The following SH3BP5 variants were observed in gnomAD, a reference collection of about 807,000 sequenced individuals.
SH3BP5 encodes the protein SH3 domain binding protein 5.
Under a neutral mutation model 43.3 loss-of-function variants are expected in SH3BP5, and 22 were observed. The ratio of observed to expected loss-of-function variants is 0.51; its 90% confidence interval spans 0.36 to 0.73. The LOEUF is 0.73. Among genes scored for constraint, SH3BP5 ranks in the 30% least tolerant of loss-of-function variants. The pLI, the probability that SH3BP5 is intolerant of heterozygous loss-of-function variation, is 0.00. For missense variants in SH3BP5, 529 were observed against 586.9 expected (o/e 0.90, Z 1.02); for synonymous variants, 255 against 225.8 (o/e 1.13, Z -1.16).
upstream of SH3BP5, among the ~76,000 whole-genome samples, chr3:15,337,328 GC>G (rs1311449988): frequency 1.3e-5 from 2 of 151,900 alleles, no homozygotes; most frequent in Non-Finnish European, 2.9e-5. Context: ...ACCCACCTCA[GC>G]CTCCCAAAGT....
intron 5 of SH3BP5, 30 bp from the exon 6 acceptor site, chr3:15,259,833 A>G: frequency 6.2e-7 from 1 of 1,608,370 alleles, no homozygotes; most frequent in Non-Finnish European, 8.5e-7. Flanking sequence ...AAGCCATCAG[A>G]GTAATATAAT....
rs145867046 is a variant in SH3BP5 at position 15,293,983 on chromosome 3, C to G, written c.330+10120G>C. The stretch of plus-strand genomic sequence containing the variant: ...GTCTCAGCTACTCGGGAGGCTGAGA[C>G]AGAAGAATCGCTTCAACCTGGGAGG... On this transcript the variant is annotated intron_variant, in intron 3 of 8. Transcript: ENST00000383791. Among the ~76,000 whole-genome samples, 1,065 of 146,550 alleles carry G rather than the reference C, an allele frequency of 7.3e-3. 12 individuals carry two copies. Among genetic ancestry groups the G allele is most frequent in the Non-Finnish European group, 0.011 (759 of 67,286 alleles).
intron 2 of SH3BP5, among the ~76,000 whole-genome samples, chr3:15,324,856 C>CAAAA (rs373214083): frequency 1.8e-5 from 2 of 114,246 alleles, no homozygotes. Context: ...TCCTTGGGTC[C>CAAAA]AAAAAAAAAA....
chr3:15,273,256 C>T, intron 3 of SH3BP5: 1 of 985,426 alleles, frequency 1.0e-6, no homozygotes, highest in Non-Finnish European at 1.2e-6. Context: ...CCAGTTCTCT[C>T]TGCTTCAGTT....
intron 6 of SH3BP5, 37 bp from the exon 7 acceptor site, chr3:15,259,087 C>T (rs1445345652): frequency 7.3e-6 from 11 of 1,505,506 alleles, no homozygotes; most frequent in South Asian, 2.3e-5. Context: ...GAAGACTACC[C>T]TGCTAGCCTT....
chr3:15,256,986 AG>A lies in SH3BP5; in HGVS notation c.1016del (p.Pro339LeufsTer4). The A allele has an allele frequency of 6.2e-7, 1 of 1,614,204 alleles. No individual in the cohort carries two copies. Among genetic ancestry groups the A allele is most frequent in the Non-Finnish European group, 8.5e-7 (1 of 1,180,042 alleles). Reference protein sequence around the residue: ...TSPSEMPDQFPAVVRPGSLDL... With the variant: ...TSPSEMPDQFXAVVRPGSLDL... ...CCAGGCTGCCAGGCCTCACAACCGC[AG>A]GGAACTGGTCAGGCATCTCAGACGG... On this transcript the variant is annotated frameshift_variant, in exon 8 of 9. Coordinates refer to ENST00000383791, the MANE Select transcript of SH3BP5 (RefSeq NM_004844.5). LOFTEE classifies it high-confidence loss of function.
chr3:15,270,685 A>C (rs935732458), intron 3 of SH3BP5, among the ~76,000 whole-genome samples: 1 of 152,282 alleles, frequency 6.6e-6, no homozygotes, highest in East Asian at 1.9e-4. Context: ...TAATCCCAGC[A>C]CTATGGGAGG....
At position 15,322,185 on chromosome 3, in the gene SH3BP5, A is replaced by G. The variant is rs566173720; in HGVS notation, c.201+8319T>C. Among the ~76,000 whole-genome samples the G allele has an allele frequency of 2.6e-5, 4 of 151,958 alleles. No homozygotes were observed. In the South Asian group the frequency reaches 8.3e-4, roughly 32 times the overall value. ...GCCACTGCAGTCCAGCCTGGGCAACACAGTGAGACTCCATCTCAAAAAAAA... is the reference window on the plus strand; with the variant it reads ...GCCACTGCAGTCCAGCCTGGGCAACGCAGTGAGACTCCATCTCAAAAAAAA... On this transcript the variant is annotated intron_variant, in intron 2 of 8. Coordinates refer to ENST00000383791, the MANE Select transcript of SH3BP5 (RefSeq NM_004844.5).
intron 4 of SH3BP5, among the ~76,000 whole-genome samples, chr3:15,265,561 A>ACACACACACACACACACACACACAC (rs1553613901): frequency 4.0e-4 from 18 of 44,484 alleles, no homozygotes; most frequent in African/African-American, 1.4e-3. Flanking sequence ...CACACACACA[A>ACACACACACACACACACACACACAC]CCCTCCAGCT....
At chr3:15,318,041 C>T (rs1235181373) in intron 2 of SH3BP5, among the ~76,000 whole-genome samples, 17 of 152,204 alleles carry the variant, frequency 1.1e-4, no homozygotes. Flanking sequence ...TACATCCTGG[C>T]TCTACCACTC....
chr3:15,263,214 G>C (rs368758543), intron 4 of SH3BP5, among the ~76,000 whole-genome samples: 2 of 152,180 alleles, frequency 1.3e-5, no homozygotes, highest in African/African-American at 4.8e-5. Context: ...CAGGTTCCTC[G>C]ATCTAAGTAG....
rs1375772792 is a variant in SH3BP5 at position 15,255,716 on chromosome 3, A to C, written c.*370T>G. Reference sequence around the variant, plus strand: ...GAGGACATCTCCATTTTCCCATACAAACTGAGGGTGAGAAGAGAAAGAGAA... The same window carrying C: ...GAGGACATCTCCATTTTCCCATACACACTGAGGGTGAGAAGAGAAAGAGAA... On this transcript the variant is annotated 3_prime_UTR_variant, in exon 9 of 9. Transcript: ENST00000383791. 1 of 182,206 alleles carries C rather than the reference A, an allele frequency of 5.5e-6. No homozygotes were observed. The highest frequency in any genetic ancestry group is 1.2e-5 in the Non-Finnish European group (1 of 86,030). 11.3% of individuals were successfully genotyped at this position (182,206 alleles called of 1,614,324 possible). A position where few individuals can be genotyped will look rare whatever the true frequency, so the allele number is the denominator to read the frequency against.
upstream of SH3BP5, chr3:15,333,138 G>A: frequency 4.1e-6 from 4 of 985,454 alleles, no homozygotes; most frequent in Non-Finnish European, 4.8e-6. Context: ...TTAAGGAGGT[G>A]GCAAGTGTAA....
In SH3BP5 at chr3:15,258,407, A is replaced by ACAGTAGATAG. The variant is rs564326125; in HGVS notation, c.889+414_889+423dup. 5.5e-3 allele frequency: 1,148 copies of ACAGTAGATAG among 208,644 alleles called. 20 individuals are homozygous for ACAGTAGATAG. The highest frequency in any genetic ancestry group is 0.026 in the African/African-American group (1,103 of 42,644). The allele number at this position is 208,644 out of a possible 1,614,324, so 12.9% of individuals were successfully genotyped here. ...CACCACCCTACACAACGGATAGTATACAGTAGATAGCGTCATACTCCCCAT... is the reference window on the plus strand; with the variant it reads ...CACCACCCTACACAACGGATAGTATACAGTAGATAGCAGTAGATAGCGTCATACTCCCCAT... On this transcript the variant is annotated intron_variant, in intron 7 of 8. Transcript: ENST00000383791.
chr3:15,330,410 C>G (rs1698580563), intron 2 of SH3BP5, 94 bp downstream of exon 2: 1 of 1,013,362 alleles, frequency 9.9e-7, no homozygotes, highest in Non-Finnish European at 1.6e-6. Flanking sequence ...GGGGGTCCAG[C>G]AATAACACTC....
At chr3:15,311,664 T>C (rs1309793184) in intron 2 of SH3BP5, among the ~76,000 whole-genome samples, 1 of 151,864 alleles carries the variant, frequency 6.6e-6, no homozygotes, top group African/African-American at 2.4e-5. Flanking sequence ...TAAGCAGACA[T>C]CTTCAGTATT....
Position 15,294,330 on chromosome 3 carries a change from T to TGTGTGTGTGCGC in SH3BP5, c.330+9772_330+9773insGCGCACACACAC, listed in dbSNP as rs565464561. Among the ~76,000 whole-genome samples the TGTGTGTGTGCGC allele has an allele frequency of 1.8e-3, 222 of 121,544 alleles. 2 individuals are homozygous for TGTGTGTGTGCGC. Among genetic ancestry groups the TGTGTGTGTGCGC allele is most frequent in the African/African-American group, 7.5e-3 (189 of 25,170 alleles). The allele number at this position is 121,544 out of a possible 152,430, so 79.7% of individuals were successfully genotyped here. A position where few individuals can be genotyped will look rare whatever the true frequency, so the allele number is the denominator to read the frequency against. ...GTGTGTGTGTGTGTGTGTGTGTGTG[T>TGTGTGTGTGCGC]GCGCGCGCATGTTTACGTAACTCCC... is the stretch of plus-strand genomic sequence containing the variant. On this transcript the variant is annotated intron_variant, in intron 3 of 8. Transcript: ENST00000383791.
At chr3:15,274,466 G>A (rs1043529356) in intron 3 of SH3BP5, among the ~76,000 whole-genome samples, 10 of 152,070 alleles carry the variant, frequency 6.6e-5, no homozygotes, top group African/African-American at 9.7e-5. Flanking sequence ...TCCTGGGTGC[G>A]GGGAAAGTGC....
intron 3 of SH3BP5, among the ~76,000 whole-genome samples, chr3:15,296,972 G>A (rs1032357323): frequency 6.6e-6 from 1 of 151,746 alleles, no homozygotes; most frequent in Non-Finnish European, 1.5e-5. Context: ...GCCAGGATTA[G>A]AGGCATGAGC....
Sources: allele counts gnomAD v4.1 joint callset (sites outside exome capture counted in the v4.1 genomes callset), GRCh38; gene constraint gnomAD v4.1.1; transcripts MANE v1.5; gene names NCBI Gene and HGNC (gene_info 2026-07-23, HGNC 2026-07-21).